SASH1: variants seen among roughly 807,000 people sequenced by gnomAD.
SASH1 encodes the protein SAM and SH3 domain containing 1.
In SASH1, 44 loss-of-function variants were observed where a neutral mutation model predicts 125.2. The observed-to-expected ratio is 0.35, with a 90% confidence interval of 0.28 to 0.45. SASH1 has a LOEUF of 0.45. SASH1 is among the 20% of genes least tolerant of loss of function. SASH1 has a pLI of 1.00. For missense variants in SASH1, 1,426 were observed against 1,614.5 expected (o/e 0.88, Z 2.00); for synonymous variants, 639 against 649.1 (o/e 0.98, Z 0.24).
chr6:148,477,853 T>C (rs752921837), intron 7 of SASH1, among the ~76,000 whole-genome samples: 3 of 151,864 alleles, frequency 2.0e-5, no homozygotes, highest in Non-Finnish European at 2.9e-5. Context: ...CCCACCACCA[T>C]GCCTGGCTAA....
chr6:148,244,932 A>ATGTGTGTG, the SASH1 span, among the ~76,000 whole-genome samples: 32 of 119,930 alleles, frequency 2.7e-4, no homozygotes, highest in Admixed American at 1.2e-3. Context: ...GTGTGTGTGT[A>ATGTGTGTG]TGTGTGTGTG....
chr6:148,421,304 T>G (rs769871695), intron 2 of SASH1, among the ~76,000 whole-genome samples: 2 of 152,106 alleles, frequency 1.3e-5, no homozygotes, highest in Non-Finnish European at 2.9e-5. Flanking sequence ...CCAATTATTT[T>G]TATTTATTAT....
chr6:148,282,075 G>A (rs903159771), intron 1 of SASH1, among the ~76,000 whole-genome samples: 3 of 152,176 alleles, frequency 2.0e-5, no homozygotes, highest in African/African-American at 4.8e-5. Context: ...GGTAGACCAC[G>A]AAGACCTCCT....
intron 8 of SASH1, among the ~76,000 whole-genome samples, chr6:148,498,701 A>G (rs1306782138): frequency 6.6e-6 from 1 of 152,166 alleles, no homozygotes; most frequent in Admixed American, 6.5e-5. Flanking sequence ...CAGTACAGAT[A>G]TTTGTAATCT....
chr6:148,380,533 G>A (rs1386429752), intron 1 of SASH1, among the ~76,000 whole-genome samples: 9 of 152,170 alleles, frequency 5.9e-5, no homozygotes, highest in Non-Finnish European at 1.5e-5. Context: ...CCAATTATCT[G>A]TGCTGCTTTT....
At position 148,513,312 on chromosome 6, in the gene SASH1, C is replaced by T. The variant is rs890930503; in HGVS notation, c.730-1012C>T. Reference sequence around the variant, plus strand: ...AGAAGGTTGTTGTCAGGGCGTGCGACGTGAGCTGGAATTGCTCACCCACTG... The same window carrying T: ...AGAAGGTTGTTGTCAGGGCGTGCGATGTGAGCTGGAATTGCTCACCCACTG... On this transcript the variant is annotated intron_variant, in intron 8 of 19. Transcript: ENST00000367467. The T allele has an allele frequency of 9.1e-6, 9 of 985,322 alleles. No individual in the cohort carries two copies. The Admixed American group carries it at 1.8e-4, about 20-fold the overall frequency. The allele number at this position is 985,322 out of a possible 1,614,324, so 61.0% of individuals were successfully genotyped here. A position where few individuals can be genotyped will look rare whatever the true frequency, so the allele number is the denominator to read the frequency against.
chr6:148,443,317 T>C (rs2057013), intron 4 of SASH1, among the ~76,000 whole-genome samples: 65,301 of 150,022 alleles, frequency 0.44, 14,447 homozygotes, highest in South Asian at 0.66. Context: ...CAGTGCATTA[T>C]ATCGGGGGCC....
chr6:148,410,917 TG>T (rs1562389295), intron 2 of SASH1, among the ~76,000 whole-genome samples: 1 of 152,042 alleles, frequency 6.6e-6, no homozygotes, highest in Non-Finnish European at 1.5e-5. Flanking sequence ...CCCAGCACTT[TG>T]GGGGGCTGAG....
intron 1 of SASH1, among the ~76,000 whole-genome samples, chr6:148,301,427 G>A (rs561005178): frequency 3.3e-5 from 5 of 151,590 alleles, no homozygotes; most frequent in Non-Finnish European, 5.9e-5. Context: ...CACCATGCCC[G>A]GCTAATTTTT....
At chr6:148,435,341 T>G (rs1334923557) in intron 2 of SASH1, among the ~76,000 whole-genome samples, 1 of 146,340 alleles carries the variant, frequency 6.8e-6, no homozygotes, top group Non-Finnish European at 1.5e-5. Flanking sequence ...ATCGTGCCAT[T>G]GCGCTCCAGC....
intron 1 of SASH1, among the ~76,000 whole-genome samples, chr6:148,302,259 C>T (rs981853376): frequency 1.5e-5 from 2 of 135,764 alleles, no homozygotes; most frequent in Non-Finnish European, 3.0e-5. Flanking sequence ...TTGGAGTGAG[C>T]CGAGATCCCG....
chr6:148,248,705 C>T, the SASH1 span, among the ~76,000 whole-genome samples: 1 of 152,180 alleles, frequency 6.6e-6, no homozygotes, highest in Admixed American at 6.5e-5. Context: ...GTCACTTCCC[C>T]CCACAAGCCT....
intron 2 of SASH1, among the ~76,000 whole-genome samples, chr6:148,410,144 T>TGCA (rs1784562742): frequency 7.9e-6 from 1 of 126,864 alleles, no homozygotes; most frequent in Non-Finnish European, 1.6e-5. Flanking sequence ...AGAGTCTTAC[T>TGCA]CTGTTGCCCA....
the SASH1 span, among the ~76,000 whole-genome samples, chr6:148,224,344 C>G: frequency 6.6e-6 from 1 of 150,940 alleles, no homozygotes; most frequent in East Asian, 1.9e-4. Context: ...CTTGATGAAT[C>G]ATTAGAGAGG....
chr6:148,399,389 C>A (rs1236384746), intron 2 of SASH1, among the ~76,000 whole-genome samples: 4 of 151,856 alleles, frequency 2.6e-5, no homozygotes, highest in Admixed American at 2.6e-4. Context: ...CCACACCCAG[C>A]TAATTTTTGT....
At chr6:148,334,615 C>T (rs1781096498) in intron 1 of SASH1, among the ~76,000 whole-genome samples, 1 of 151,730 alleles carries the variant, frequency 6.6e-6, no homozygotes, top group African/African-American at 2.4e-5. Flanking sequence ...ACTTCGAGAC[C>T]AGCCTGGCCA....
chr6:148,261,771 C>T, the SASH1 span, among the ~76,000 whole-genome samples: 2 of 152,132 alleles, frequency 1.3e-5, no homozygotes, highest in African/African-American at 2.4e-5. Context: ...CCATCAGCCC[C>T]TTCATGCTGC....
At chr6:148,197,301 G>C in the SASH1 span, among the ~76,000 whole-genome samples, 6 of 152,212 alleles carry the variant, frequency 3.9e-5, no homozygotes, top group Admixed American at 6.5e-5. Flanking sequence ...ACACCAGTCA[G>C]CTGACAGGAT....
At chr6:148,428,923 G>A (rs1287037796) in intron 2 of SASH1, among the ~76,000 whole-genome samples, 2 of 152,140 alleles carry the variant, frequency 1.3e-5, no homozygotes, top group South Asian at 2.1e-4. Flanking sequence ...CAGGCCAAGA[G>A]CTTATGGGGG....
Sources: gnomAD v4.1 joint callset for allele counts (sites outside exome capture counted in the v4.1 genomes callset) on GRCh38, gnomAD v4.1.1 for gene constraint, MANE v1.5 for transcripts, NCBI Gene and HGNC (gene_info 2026-07-23, HGNC 2026-07-21) for gene names.